PCDH11X: variants seen among roughly 807,000 people sequenced by gnomAD.
PCDH11X encodes the protein protocadherin-11 X-linked.
In PCDH11X, 18 loss-of-function variants were observed where a neutral mutation model predicts 53.3. That is an observed-to-expected ratio of 0.34 (90% confidence interval 0.23 to 0.50). PCDH11X has a LOEUF of 0.50. Among genes scored for constraint, PCDH11X ranks in the 20% least tolerant of loss-of-function variants. The pLI, the probability that PCDH11X is intolerant of heterozygous loss-of-function variation, is 0.98. For synonymous variants in PCDH11X, 279 were observed against 393.3 expected (o/e 0.71, Z 3.44); for missense variants, 570 against 1,032.4 (o/e 0.55, Z 6.14).
chrX:92,212,643 C>T (rs1401263959), intron 7 of PCDH11X, among the ~76,000 whole-genome samples: 1 of 112,336 alleles, frequency 8.9e-6, no homozygotes, highest in East Asian at 2.8e-4. Context: ...AGCCACCGCA[C>T]CTGGCCTGGA....
intron 8 of PCDH11X, among the ~76,000 whole-genome samples, chrX:92,341,452 T>C (rs76218248): frequency 8.9e-6 from 1 of 111,804 alleles, no homozygotes; most frequent in Non-Finnish European, 1.9e-5. Context: ...CTGGGTAATT[T>C]ATCAAGAAAG....
At chrX:92,127,160 C>T (rs1290785704) in intron 6 of PCDH11X, among the ~76,000 whole-genome samples, 1 of 110,671 alleles carries the variant, frequency 9.0e-6, no homozygotes, top group Non-Finnish European at 1.9e-5. Flanking sequence ...GTATTCATTG[C>T]CAAGCCCCTA....
intron 6 of PCDH11X, among the ~76,000 whole-genome samples, chrX:92,128,992 T>C (rs771795257): frequency 9.1e-6 from 1 of 109,666 alleles, no homozygotes; most frequent in African/African-American, 3.4e-5. Flanking sequence ...AATAAATAAA[T>C]AACAATTAAG....
At chrX:92,375,167 T>TATATA (rs1491474868) in intron 8 of PCDH11X, among the ~76,000 whole-genome samples, 7 of 7,372 alleles carry the variant, frequency 9.5e-4, no homozygotes, top group Admixed American at 2.2e-3. Flanking sequence ...TATATATATA[T>TATATA]TTTTTTTTTT....
At chrX:92,556,370 A>C (rs1602324759) in intron 10 of PCDH11X, among the ~76,000 whole-genome samples, 1 of 111,898 alleles carries the variant, frequency 8.9e-6, no homozygotes, top group Admixed American at 9.5e-5. Flanking sequence ...TAAAATCAAA[A>C]GCAAGTTAGT....
At chrX:92,481,686 G>C (rs1255568577) in intron 10 of PCDH11X, among the ~76,000 whole-genome samples, 1 of 111,840 alleles carries the variant, frequency 8.9e-6, no homozygotes, top group Non-Finnish European at 1.9e-5. Context: ...TCTCCTATTA[G>C]AGCAAGTCAA....
chrX:92,266,967 A>G (rs2067846258), intron 8 of PCDH11X, among the ~76,000 whole-genome samples: 1 of 109,896 alleles, frequency 9.1e-6, no homozygotes, highest in Non-Finnish European at 1.9e-5. Context: ...CTGGTCTCGA[A>G]CTCCTGACCT....
intron 1 of PCDH11X, among the ~76,000 whole-genome samples, chrX:91,795,879 C>A (rs1278185988): frequency 9.0e-6 from 1 of 111,400 alleles, no homozygotes; most frequent in East Asian, 2.8e-4. Flanking sequence ...GTTCCATAAA[C>A]AATACCAATC....
At chrX:92,123,596 C>T (rs1419545491) in intron 6 of PCDH11X, among the ~76,000 whole-genome samples, 1 of 105,222 alleles carries the variant, frequency 9.5e-6, no homozygotes, top group Non-Finnish European at 1.9e-5. Context: ...CTACTCCAAC[C>T]TAGATTCAGT....
intron 6 of PCDH11X, among the ~76,000 whole-genome samples, chrX:92,147,806 CCTTCCTTT>C (rs1241097659): frequency 0.037 from 2,414 of 65,242 alleles, 158 homozygotes; most frequent in African/African-American, 0.15. Flanking sequence ...TTCTTTTCTT[CCTTCCTTT>C]CTTTCTTTCT....
chrX:92,358,158 GAATGGATTCCATAGCTAAAAA>G (rs1345813748), intron 8 of PCDH11X, among the ~76,000 whole-genome samples: 2 of 104,338 alleles, frequency 1.9e-5, no homozygotes, highest in African/African-American at 6.9e-5. Context: ...TGTAGATCTG[GAATGGATTCCATAGCTAAAAA>G]AATTATAGGT....
At chrX:92,141,546 A>G (rs2065179333) in intron 6 of PCDH11X, among the ~76,000 whole-genome samples, 1 of 112,037 alleles carries the variant, frequency 8.9e-6, no homozygotes, top group Non-Finnish European at 1.9e-5. Context: ...TTTAAATTCC[A>G]TATTGTTTGT....
intron 6 of PCDH11X, among the ~76,000 whole-genome samples, chrX:92,177,988 A>G (rs1013008295): frequency 1.8e-5 from 2 of 110,918 alleles, no homozygotes; most frequent in Non-Finnish European, 3.8e-5. Context: ...CTTTTTACCC[A>G]TGAATTTCCT....
intron 6 of PCDH11X, among the ~76,000 whole-genome samples, chrX:91,951,279 C>T (rs924059930): frequency 9.1e-6 from 1 of 110,312 alleles, no homozygotes; most frequent in African/African-American, 3.3e-5. Context: ...ATTTGAAACA[C>T]TTTATTACAG....
chrX:92,569,386 T>A (rs1478319078), intron 10 of PCDH11X, among the ~76,000 whole-genome samples: 2 of 109,295 alleles, frequency 1.8e-5, no homozygotes, highest in African/African-American at 6.7e-5. Flanking sequence ...TAAAAAAATG[T>A]CATTAATCCT....
chrX:92,074,256 G>A (rs1408488390), intron 6 of PCDH11X, among the ~76,000 whole-genome samples: 1 of 111,028 alleles, frequency 9.0e-6, no homozygotes, highest in Non-Finnish European at 1.9e-5. Context: ...AGACCAAACT[G>A]TCATTGGGCA....
At position 92,304,278 on chromosome X, in the gene PCDH11X, G is replaced by T. The variant is rs770850504; in HGVS notation, c.3144+41135G>T. On this transcript the variant is annotated intron_variant, in intron 8 of 10. Transcript: ENST00000682573. ...TTAGTGAATACAGCTACCTGCCTTT[G>T]ATGTAAGATATAAAAATGGTTATCT... Among the ~76,000 whole-genome samples, 529 of 110,058 alleles carry T rather than the reference G, an allele frequency of 4.8e-3. 2 individuals carry two copies. The highest frequency in any genetic ancestry group is 0.017 in the African/African-American group (514 of 30,295).
intron 6 of PCDH11X, among the ~76,000 whole-genome samples, chrX:92,194,503 G>A (rs778948840): frequency 1.4e-4 from 15 of 110,995 alleles, no homozygotes; most frequent in African/African-American, 4.6e-4. Flanking sequence ...GAAAATATAC[G>A]CAGAATTATA....
chrX:91,794,295 T>C (rs1935659438), intron 1 of PCDH11X, among the ~76,000 whole-genome samples: 1 of 111,944 alleles, frequency 8.9e-6, no homozygotes, highest in Non-Finnish European at 1.9e-5. Context: ...AGAATTGAGC[T>C]AGTCCAGATT....
Sources: gnomAD v4.1 joint callset for allele counts (sites outside exome capture counted in the v4.1 genomes callset) on GRCh38, gnomAD v4.1.1 for gene constraint, MANE v1.5 for transcripts, NCBI Gene and HGNC (gene_info 2026-07-23, HGNC 2026-07-21) for gene names.